EHMT1: variants seen among roughly 807,000 people sequenced by gnomAD.
EHMT1 encodes the protein histone-lysine N-methyltransferase EHMT1.
Under a neutral mutation model 147.2 loss-of-function variants are expected in EHMT1, and 15 were observed. The ratio of observed to expected loss-of-function variants is 0.10; its 90% CI spans 0.07 to 0.16. The LOEUF is 0.16. EHMT1 is among the 10% of genes least tolerant of loss of function. EHMT1 has a pLI of 1.00. For missense variants in EHMT1, 1,587 were observed against 1,772.4 expected (o/e 0.90, Z 1.88); for synonymous variants, 795 against 709.6 (o/e 1.12, Z -1.91).
At position 137,717,051 on chromosome 9, in the gene EHMT1, A is replaced by G. The variant is rs776655539; in HGVS notation, c.511A>G (p.Thr171Ala). The G allele has an allele frequency of 6.2e-7, 1 of 1,606,916 alleles. No individual in the cohort carries two copies. The highest frequency in any genetic ancestry group is 1.7e-5 in the Admixed American group (1 of 59,596). ...CAGGACTCCAAGCGCTTTTCCCCAG[A>G]CGCCAGCCGCCCCACCAGCCACCCT... is the stretch of plus-strand genomic sequence containing the variant. ...KGRTPSAFPQ[T>A]PAAPPATLGE... The change falls in exon 3 of 27, where the codon ACG becomes GCG. Residue 171 changes from threonine (T) to alanine (A), a missense_variant. Thr to Ala is a moderately conservative substitution (Grantham distance 58). Coordinates refer to ENST00000460843, the MANE Select transcript of EHMT1 (RefSeq NM_024757.5).
chr9:137,622,443 A>T (rs1329699039), intron 1 of EHMT1, among the ~76,000 whole-genome samples: 1 of 152,112 alleles, frequency 6.6e-6, no homozygotes, highest in African/African-American at 2.4e-5. Context: ...CTTTCTAGAG[A>T]AGAAGCAGCC....
intron 1 of EHMT1, among the ~76,000 whole-genome samples, chr9:137,705,938 C>T (rs151305921): frequency 6.6e-6 from 1 of 152,306 alleles, no homozygotes; most frequent in Non-Finnish European, 1.5e-5. Context: ...GTTGCAGTGC[C>T]TCCCTCTCCT....
chr9:137,772,246 G>C (rs1405062580), intron 10 of EHMT1, among the ~76,000 whole-genome samples: 11 of 152,156 alleles, frequency 7.2e-5, no homozygotes, highest in Admixed American at 7.2e-4. Flanking sequence ...ATAGGGGATG[G>C]CTTGAACGAG....
chr9:137,675,634 T>G (rs2134380722), intron 1 of EHMT1, among the ~76,000 whole-genome samples: 1 of 51,410 alleles, frequency 1.9e-5, no homozygotes, highest in East Asian at 2.6e-4. Context: ...CGGCTAATTT[T>G]TTTTTTTTTT....
intron 23 of EHMT1, chr9:137,816,733 T>C (rs1954947047): frequency 6.1e-6 from 1 of 164,500 alleles, no homozygotes; most frequent in Admixed American, 5.6e-5. Context: ...TAGTATTGAC[T>C]TTTTTGTGAC....
In EHMT1 at chr9:137,717,125, C is replaced by T. The variant is rs758787514; in HGVS notation, c.585C>T (p.Gly195=). The change falls in exon 3 of 27, where the codon GGC becomes GGT. Residue 195 remains glycine, a synonymous_variant. Coordinates refer to ENST00000460843, the MANE Select transcript of EHMT1 (RefSeq NM_024757.5). The part of the protein sequence containing the change: ...DTEDRKLPAP[G]ADVKVHRARK... Reference sequence around the variant, plus strand: ...AGGACAGGAAGCTCCCGGCCCCTGGCGCCGACGTCAAGGTCCACAGGGCAC... The same window carrying T: ...AGGACAGGAAGCTCCCGGCCCCTGGTGCCGACGTCAAGGTCCACAGGGCAC... 6.8e-6 allele frequency: 11 copies of T among 1,612,378 alleles called. No homozygotes were observed. Among genetic ancestry groups the T allele is most frequent in the Admixed American group, 3.3e-5 (2 of 59,990 alleles).
chr9:137,740,789 ATTTAT>A (rs918289674), intron 4 of EHMT1, among the ~76,000 whole-genome samples: 3 of 152,044 alleles, frequency 2.0e-5, no homozygotes, highest in Non-Finnish European at 2.9e-5. Flanking sequence ...TCCTGACATG[ATTTAT>A]TTTATTTTAT....
At chr9:137,636,502 CA>C (rs1471779718) in intron 1 of EHMT1, among the ~76,000 whole-genome samples, 2 of 152,108 alleles carry the variant, frequency 1.3e-5, no homozygotes, top group African/African-American at 4.8e-5. Context: ...TTTAGTTTTT[CA>C]CCATTAGGTA....
intron 25 of EHMT1, among the ~76,000 whole-genome samples, chr9:137,820,922 G>T (rs1564824482): frequency 6.6e-6 from 1 of 152,254 alleles, no homozygotes; most frequent in Non-Finnish European, 1.5e-5. Context: ...CTGTCACCCA[G>T]GCTGGAGTGC....
intron 25 of EHMT1, among the ~76,000 whole-genome samples, chr9:137,826,259 C>T (rs1239243430): frequency 6.6e-6 from 1 of 152,182 alleles, no homozygotes. Flanking sequence ...CTGTTTCTAG[C>T]ATCTGTTTTG....
rs2137383314 is a variant in EHMT1 at position 137,800,975 on chromosome 9, C to T, written c.2703C>T (p.Ile901=). The change falls in exon 18 of 27, where the codon ATC becomes ATT. Residue 901 remains isoleucine, a synonymous_variant. Transcript: ENST00000460843. ...LLLSKGSDIN[I]RDNEENICLH... is the part of the protein sequence containing the mutation. The stretch of plus-strand genomic sequence containing the variant: ...TGTCCAAGGGCTCTGACATCAACAT[C>T]CGAGACAACGTAAGTTCGTCACACC... 6.2e-7 allele frequency: 1 copy of T among 1,614,114 alleles called. No individual in the cohort carries two copies. The highest frequency in any genetic ancestry group is 8.5e-7 in the Non-Finnish European group (1 of 1,180,010).
rs372675658 is a variant in EHMT1 at position 137,816,082 on chromosome 9, C to G, written c.3374+20C>G. The G allele has an allele frequency of 6.3e-7, 1 of 1,594,860 alleles. No homozygotes were observed. The highest frequency in any genetic ancestry group is 2.3e-5 in the East Asian group (1 of 43,730). On this transcript the variant is annotated intron_variant, in intron 23 of 26. Coordinates refer to ENST00000460843, the MANE Select transcript of EHMT1 (RefSeq NM_024757.5). ...TCTCAGGTGAGAGGCAGCTTCCTGC[C>G]GGAGCCCCACATTCTGCTCGTATTA... is the stretch of plus-strand genomic sequence containing the variant.
chr9:137,717,272 C>T, intron 3 of EHMT1, 90 bp downstream of exon 3: 1 of 1,485,534 alleles, frequency 6.7e-7, no homozygotes, highest in Non-Finnish European at 9.1e-7. Context: ...GAGGAGAAGC[C>T]AGTAAGTGTC....
chr9:137,637,121 T>A lies in EHMT1; in HGVS notation c.21+18072T>A, dbSNP rs571496679. On this transcript the variant is annotated intron_variant, in intron 1 of 26. Transcript: ENST00000460843. ...ACTGTGTTAGTCAGGATGGTCTCGA[T>A]CTCCTGACCTCGTGATCTGCCCGTC... is the stretch of plus-strand genomic sequence containing the variant. Among the ~76,000 whole-genome samples, 11 of 152,030 alleles carry A rather than the reference T, an allele frequency of 7.2e-5. No homozygotes were observed. In the East Asian group the frequency reaches 1.9e-3, roughly 27 times the overall value.
chr9:137,741,451 A>G (rs1041928673), intron 4 of EHMT1, among the ~76,000 whole-genome samples: 1 of 152,146 alleles, frequency 6.6e-6, no homozygotes, highest in Non-Finnish European at 1.5e-5. Context: ...CCAGCTGGTC[A>G]TGCTGTTGTC....
chr9:137,824,067 C>T (rs187550957), intron 25 of EHMT1, among the ~76,000 whole-genome samples: 25 of 150,742 alleles, frequency 1.7e-4, no homozygotes, highest in Non-Finnish European at 5.9e-5. Context: ...ATGTCTATCC[C>T]AGGATTGTGA....
intron 22 of EHMT1, 137 bp downstream of exon 22, chr9:137,814,645 A>G: frequency 1.1e-6 from 1 of 951,782 alleles, no homozygotes; most frequent in Non-Finnish European, 1.6e-6. Context: ...TGGGTGTGAC[A>G]GGCAGGGGAG....
chr9:137,790,180 TTA>T (rs1460931622), intron 15 of EHMT1, among the ~76,000 whole-genome samples: 1 of 152,256 alleles, frequency 6.6e-6, no homozygotes, highest in African/African-American at 2.4e-5. Context: ...TTCATAATGT[TTA>T]TGTTATAAAT....
At chr9:137,727,340 C>G (rs1171682860) in intron 3 of EHMT1, among the ~76,000 whole-genome samples, 3 of 152,098 alleles carry the variant, frequency 2.0e-5, no homozygotes, top group Non-Finnish European at 4.4e-5. Context: ...GTTGCCTGTA[C>G]TTTTGGTTTC....
Sources: gnomAD v4.1 joint callset for allele counts (sites outside exome capture counted in the v4.1 genomes callset) on GRCh38, gnomAD v4.1.1 for gene constraint, MANE v1.5 for transcripts, NCBI Gene and HGNC (gene_info 2026-07-23, HGNC 2026-07-21) for gene names.